The following RBMS3 variants were observed in gnomAD, a reference collection of about 807,000 sequenced individuals.
The protein encoded by RBMS3 is RNA binding motif single stranded interacting protein 3.
RBMS3 carries 27 observed loss-of-function variants against 66.8 expected under a neutral mutation model. The ratio of observed to expected loss-of-function variants is 0.40; its 90% CI spans 0.30 to 0.56. The LOEUF (loss-of-function observed/expected upper bound fraction) is 0.56, where lower values mean the gene tolerates loss of function less well. Ranked by LOEUF, RBMS3 falls within the 20% of genes least tolerant of loss-of-function variation. RBMS3 has a pLI of 0.40. For synonymous variants in RBMS3, 188 were observed against 183.0 expected (o/e 1.03, Z -0.22); for missense variants, 513 against 549.5 (o/e 0.93, Z 0.66).
chr3:29,866,096 AAAATTCC>A (rs2059356157), intron 6 of RBMS3, among the ~76,000 whole-genome samples: 1 of 151,668 alleles, frequency 6.6e-6, no homozygotes, highest in Non-Finnish European at 1.5e-5. Context: ...AAAAAAAAAA[AAAATTCC>A]TCTTCTTGGA....
chr3:29,619,667 A>T (rs2149150534), intron 4 of RBMS3, among the ~76,000 whole-genome samples: 1 of 152,326 alleles, frequency 6.6e-6, no homozygotes, highest in South Asian at 2.1e-4. Context: ...CCAGTTATAA[A>T]ATATGACTCA....
At chr3:29,842,703 C>G (rs925831129) in intron 6 of RBMS3, among the ~76,000 whole-genome samples, 5 of 152,054 alleles carry the variant, frequency 3.3e-5, no homozygotes, top group African/African-American at 1.2e-4. Context: ...GGAAGATTAC[C>G]CTGATTCTTT....
chr3:29,394,822 C>T (rs1202173838), intron 1 of RBMS3, among the ~76,000 whole-genome samples: 1 of 152,192 alleles, frequency 6.6e-6, no homozygotes, highest in African/African-American at 2.4e-5. Context: ...CTGGTTCAGA[C>T]TGCTTCAGCC....
At chr3:29,770,401 AATGC>A (rs137869424) in intron 6 of RBMS3, among the ~76,000 whole-genome samples, 2,379 of 152,106 alleles carry the variant, frequency 0.016, 52 homozygotes, top group African/African-American at 0.048. Flanking sequence ...AGATATGGTT[AATGC>A]TTTCTTGACC....
At chr3:29,700,729 G>C (rs1191320552) in intron 4 of RBMS3, among the ~76,000 whole-genome samples, 3 of 151,836 alleles carry the variant, frequency 2.0e-5, no homozygotes, top group Non-Finnish European at 2.9e-5. Context: ...GAAAGTAATG[G>C]GGAGTTAGGG....
chr3:29,303,852 C>T (rs1011977368), intron 1 of RBMS3, among the ~76,000 whole-genome samples: 1 of 151,978 alleles, frequency 6.6e-6, no homozygotes, highest in Non-Finnish European at 1.5e-5. Flanking sequence ...TCCCACGTGG[C>T]TGGGGAGGCC....
At position 29,434,920 on chromosome 3, in the gene RBMS3, G is replaced by A; in HGVS notation, c.248+5G>A. ...CCTAATCAAGCTGTGCCAACCGTAA[G>A]TGTCCTTCTGCTGCCCGTGCTGTTT... On this transcript the variant is annotated splice_donor_5th_base_variant and intron_variant, in intron 2 of 14. Coordinates refer to ENST00000383767, the MANE Select transcript of RBMS3 (RefSeq NM_001003793.3). The A allele has an allele frequency of 6.2e-7, 1 of 1,610,542 alleles. No homozygotes were observed. Among genetic ancestry groups the A allele is most frequent in the Non-Finnish European group, 8.5e-7 (1 of 1,177,876 alleles).
intron 1 of RBMS3, among the ~76,000 whole-genome samples, chr3:29,367,010 C>T (rs1332957181): frequency 6.6e-6 from 1 of 152,008 alleles, no homozygotes; most frequent in African/African-American, 2.4e-5. Context: ...ACAAAATGAT[C>T]TTTGGTAACA....
intron 4 of RBMS3, among the ~76,000 whole-genome samples, chr3:29,724,311 A>C (rs2053765985): frequency 6.6e-6 from 1 of 152,196 alleles, no homozygotes; most frequent in Admixed American, 6.6e-5. Flanking sequence ...CTGTCCTCTT[A>C]AAGTGTTCTA....
intron 6 of RBMS3, among the ~76,000 whole-genome samples, chr3:29,779,189 G>A (rs2056531400): frequency 6.6e-6 from 1 of 151,736 alleles, no homozygotes; most frequent in South Asian, 2.1e-4. Context: ...TGTTTTAAAG[G>A]AAAGGTAGCC....
intron 1 of RBMS3, among the ~76,000 whole-genome samples, chr3:29,420,188 C>T (rs749312891): frequency 1.3e-5 from 2 of 152,156 alleles, no homozygotes; most frequent in Admixed American, 1.3e-4. Flanking sequence ...TTTCATGTTT[C>T]CTGTACTTTT....
chr3:29,805,912 G>A (rs538041658), intron 6 of RBMS3, among the ~76,000 whole-genome samples: 4 of 152,034 alleles, frequency 2.6e-5, no homozygotes, highest in East Asian at 1.9e-4. Context: ...CACTCACCAC[G>A]CACTCACTGA....
At chr3:29,769,471 C>T (rs1432265244) in intron 6 of RBMS3, among the ~76,000 whole-genome samples, 1 of 151,882 alleles carries the variant, frequency 6.6e-6, no homozygotes, top group African/African-American at 2.4e-5. Context: ...TTTAGTCGAG[C>T]AGCTGGAGGC....
At chr3:29,317,056 T>G (rs2034725064) in intron 1 of RBMS3, among the ~76,000 whole-genome samples, 1 of 151,766 alleles carries the variant, frequency 6.6e-6, no homozygotes, top group Non-Finnish European at 1.5e-5. Context: ...CATTCTTTTG[T>G]CAAAACGTTT....
intron 10 of RBMS3, among the ~76,000 whole-genome samples, chr3:29,933,015 T>C (rs753493988): frequency 1.3e-5 from 2 of 152,188 alleles, no homozygotes; most frequent in Admixed American, 6.5e-5. Flanking sequence ...TGTACAATAT[T>C]TTTCTTTGCA....
intron 2 of RBMS3, among the ~76,000 whole-genome samples, chr3:29,482,714 T>C (rs1318384654): frequency 7.7e-6 from 1 of 129,798 alleles, no homozygotes; most frequent in African/African-American, 2.9e-5. Context: ...TTTTTTTTTT[T>C]TTTTTTTTTT....
intron 3 of RBMS3, among the ~76,000 whole-genome samples, chr3:29,539,307 A>G (rs893503080): frequency 1.3e-5 from 2 of 152,238 alleles, no homozygotes; most frequent in Non-Finnish European, 2.9e-5. Context: ...TGAATGGACC[A>G]AGCAAAAATA....
Position 29,984,101 on chromosome 3 carries a change from GTTCATTCTTT to G in RBMS3, c.1099-4029_1099-4020del, listed in dbSNP as rs1698199324. Among the ~76,000 whole-genome samples the G allele has an allele frequency of 3.3e-5, 5 of 152,126 alleles. No individual in the cohort carries two copies. In the South Asian group the frequency reaches 6.2e-4, roughly 19 times the overall value. ...TACTCCCATATTTCTTGGAGGCTTT[GTTCATTCTTT>G]TTCATTCTTTTTTCTCTAATCTTGT... On this transcript the variant is annotated intron_variant, in intron 12 of 14. Transcript: ENST00000383767.
intron 1 of RBMS3, among the ~76,000 whole-genome samples, chr3:29,400,993 A>G (rs2039785122): frequency 6.6e-6 from 1 of 152,124 alleles, no homozygotes; most frequent in Admixed American, 6.6e-5. Context: ...GTTTTAGGAT[A>G]AGATCTTGAT....
Sources: allele counts gnomAD v4.1 joint callset (sites outside exome capture counted in the v4.1 genomes callset), GRCh38; gene constraint gnomAD v4.1.1; transcripts MANE v1.5; gene names NCBI Gene and HGNC (gene_info 2026-07-23, HGNC 2026-07-21).